SERINC2: variants seen among roughly 807,000 people sequenced by gnomAD.
SERINC2 encodes serine incorporator 2, also known as tumor differentially expressed protein 2.
In SERINC2, 56 loss-of-function variants were observed where a neutral mutation model predicts 54.2. That is an observed-to-expected ratio of 1.03 (90% CI 0.83 to 1.29). The LOEUF (loss-of-function observed/expected upper bound fraction) is 1.29, where lower values mean the gene tolerates loss of function less well. SERINC2 is among the 50% of genes most tolerant of loss of function. The pLI is 0.00. For missense variants in SERINC2, 614 were observed against 607.4 expected (o/e 1.01, Z -0.12); for synonymous variants, 272 against 253.1 (o/e 1.07, Z -0.71).
chr1:31,425,843 CTT>C lies in SERINC2; in HGVS notation c.542_543del (p.Phe181CysfsTer48). ...TCATCCAGCTGGTGCTGCTCATCGA[CTT>C]TGCGCACTCCTGGAACCAGCGGTGG... ...ILIQLVLLID[F>X]AHSWNQRWLG... On this transcript the variant is annotated frameshift_variant, in exon 5 of 10. Transcript: ENST00000373709. LOFTEE classifies it high-confidence loss of function. 2 of 1,613,754 alleles carry C rather than the reference CTT, an allele frequency of 1.2e-6. No homozygotes were observed. The highest frequency in any genetic ancestry group is 1.3e-5 in the African/African-American group (1 of 75,056).
At chr1:31,420,416 C>T (rs1640877733) in intron 1 of SERINC2, among the ~76,000 whole-genome samples, 1 of 152,172 alleles carries the variant, frequency 6.6e-6, no homozygotes, top group Non-Finnish European at 1.5e-5. Context: ...TCAGATGTCT[C>T]AAATTGAAAT....
rs369261952 is a variant in SERINC2, at chr1:31,433,379, TC to T, written c.1232+197del. ...CCAACAGTGCCTTCATCTGCTCAGCTCCCGCACCTTCACTAGGAGACTGAAC... is the reference window on the plus strand; with the variant it reads ...CCAACAGTGCCTTCATCTGCTCAGCTCCGCACCTTCACTAGGAGACTGAAC... On this transcript the variant is annotated intron_variant, in intron 9 of 9. Coordinates refer to ENST00000373709, the MANE Select transcript of SERINC2 (RefSeq NM_178865.5). 5.8e-4 allele frequency among the ~76,000 whole-genome samples: 89 copies of T among 152,180 alleles called. 1 individual carries two copies. In the East Asian group the frequency reaches 0.014, roughly 24 times the overall value.
At position 31,434,174 on chromosome 1, in the gene SERINC2, TC is replaced by T. The variant is rs1298260000; in HGVS notation, c.1345del (p.Leu449CysfsTer54). On this transcript the variant is annotated frameshift_variant, in exon 10 of 10. Transcript: ENST00000373709. LOFTEE classifies it high-confidence loss of function. ...CTGTGGACCCTGGTAGCCCCACTCC[TC>T]CTGCGCAACCGCGACTTCAGCTGAG... ...LYLWTLVAPL[L>X]LRNRDFS 9 of 1,613,506 alleles carry T rather than the reference TC, an allele frequency of 5.6e-6. No individual in the cohort carries two copies. The Admixed American group carries it at 1.5e-4, about 27-fold the overall frequency.
At chr1:31,432,273 G>T (rs1641321172) in intron 8 of SERINC2, among the ~76,000 whole-genome samples, 1 of 151,156 alleles carries the variant, frequency 6.6e-6, no homozygotes, top group South Asian at 2.1e-4. Context: ...TCAATTTGCT[G>T]GGGTGGCGGG....
chr1:31,431,803 G>A (rs1557499843), intron 8 of SERINC2, among the ~76,000 whole-genome samples: 21 of 142,238 alleles, frequency 1.5e-4, no homozygotes, highest in African/African-American at 5.6e-4. Context: ...GGATAGGGTG[G>A]ACAGGGTGGA....
At chr1:31,429,154 G>T in intron 7 of SERINC2, 86 bp downstream of exon 7, 1 of 1,244,832 alleles carries the variant, frequency 8.0e-7, no homozygotes, top group Non-Finnish European at 1.2e-6. Flanking sequence ...CCTCACAGGT[G>T]ACAGGGACAT....
upstream of SERINC2, chr1:31,410,164 G>A: frequency 7.0e-7 from 1 of 1,432,874 alleles, no homozygotes; most frequent in Non-Finnish European, 9.1e-7. Flanking sequence ...GAGTGGTTGG[G>A]TGACTTGCCA....
upstream of SERINC2, among the ~76,000 whole-genome samples, chr1:31,410,753 T>C (rs1640634216): frequency 6.6e-6 from 1 of 152,174 alleles, no homozygotes; most frequent in South Asian, 2.1e-4. Flanking sequence ...GCATGGGGCA[T>C]GGTCATCTGT....
intron 6 of SERINC2, among the ~76,000 whole-genome samples, chr1:31,427,168 AT>A (rs562672804): frequency 2.0e-5 from 3 of 151,916 alleles, no homozygotes; most frequent in Non-Finnish European, 4.4e-5. Context: ...TATTGTTGTC[AT>A]TTTTGTTTTT....
intron 2 of SERINC2, among the ~76,000 whole-genome samples, 168 bp downstream of exon 2, chr1:31,424,022 G>C (rs1301907332): frequency 1.3e-5 from 2 of 152,136 alleles, no homozygotes; most frequent in Non-Finnish European, 2.9e-5. Flanking sequence ...GAGCCTCTTG[G>C]GGGGATTCTT....
At chr1:31,410,395 T>A (rs1640628050), upstream of SERINC2, 3 of 1,548,174 alleles carry the variant, frequency 1.9e-6, no homozygotes, top group Admixed American at 5.9e-5. Flanking sequence ...ATGAGAAGCA[T>A]GAGGCTGAGA....
At chr1:31,425,940 T>G (rs1553133558) in intron 5 of SERINC2, 27 bp downstream of exon 5, 1 of 1,601,798 alleles carries the variant, frequency 6.2e-7, no homozygotes, top group Middle Eastern at 1.7e-4. Context: ...TGCCTCCGTG[T>G]GGGGACTCGA....
At chr1:31,425,959 A>G (rs1553133563) in intron 5 of SERINC2, 46 bp downstream of exon 5, 1 of 1,584,692 alleles carries the variant, frequency 6.3e-7, no homozygotes, top group Middle Eastern at 1.7e-4. Flanking sequence ...GAGCCTGGGC[A>G]GGGCTGGGGC....
chr1:31,424,167 A>G lies in SERINC2; in HGVS notation c.201+313A>G, dbSNP rs78708065. ...GGCTCCTAACTCTTCCCTTCATCTC[A>G]GTGTTTTACAGCCTAGCACAGACCC... On this transcript the variant is annotated intron_variant, in intron 2 of 9. Coordinates refer to ENST00000373709, the MANE Select transcript of SERINC2 (RefSeq NM_178865.5). Among the ~76,000 whole-genome samples the G allele has an allele frequency of 5.6e-3, 854 of 152,184 alleles. 63 individuals are homozygous for G. In the East Asian group the frequency reaches 0.14, roughly 25 times the overall value.
upstream of SERINC2, chr1:31,410,322 A>C: frequency 6.5e-7 from 1 of 1,544,110 alleles, no homozygotes; most frequent in Non-Finnish European, 8.7e-7. Flanking sequence ...CCATGTCCTC[A>C]CTTCATCTCC....
chr1:31,410,736 A>T (rs1640633778), upstream of SERINC2, among the ~76,000 whole-genome samples: 1 of 152,196 alleles, frequency 6.6e-6, no homozygotes, highest in African/African-American at 2.4e-5. Flanking sequence ...GTGGCCCCCC[A>T]AGGATGGCAT....
rs782139488 is a variant in SERINC2, at chr1:31,423,695, G to T, written c.42G>T (p.Ala14=). 6.2e-7 allele frequency: 1 copy of T among 1,607,598 alleles called. No homozygotes were observed. Among genetic ancestry groups the T allele is most frequent in the Non-Finnish European group, 8.5e-7 (1 of 1,179,784 alleles). Residue 14 remains alanine (A), a splice_region_variant and synonymous_variant, in exon 2 of 10, where the codon GCG becomes GCT. Coordinates refer to ENST00000373709, the MANE Select transcript of SERINC2 (RefSeq NM_178865.5). ...AGAGTGACAGTGCCCTCCCGCAGGC[G>T]TCCTGCCTCTGCGGCTCTGCCCCCT... ...CLGACSLLSC[A]SCLCGSAPCI...
chr1:31,415,748 C>A, intron 1 of SERINC2: 1 of 382,256 alleles, frequency 2.6e-6, no homozygotes, highest in Non-Finnish European at 3.6e-6. Flanking sequence ...AGTTGCTGCA[C>A]AGGAGTGAAG....
rs1640700245 is a variant in SERINC2, at chr1:31,413,636, G to C, written c.39+332G>C. On this transcript the variant is annotated intron_variant, in intron 1 of 9. Coordinates refer to ENST00000373709, the MANE Select transcript of SERINC2 (RefSeq NM_178865.5). The surrounding 1 kb of genome is among the most constrained non-coding windows in gnomAD (Gnocchi z 5.0). ...AGCCCGGGGTCGGGGCAGCTCTGTG[G>C]GCCCTCGTCGCCCCACTTGGGGCGG... Among the ~76,000 whole-genome samples, 1 of 152,008 alleles carries C rather than the reference G, an allele frequency of 6.6e-6. No homozygotes were observed. Among genetic ancestry groups the C allele is most frequent in the South Asian group, 2.1e-4 (1 of 4,824 alleles).
Sources: allele counts gnomAD v4.1 joint callset (sites outside exome capture counted in the v4.1 genomes callset), GRCh38; gene constraint gnomAD v4.1.1; non-coding constraint Gnocchi (gnomAD v3.1); transcripts MANE v1.5; gene names NCBI Gene and HGNC (gene_info 2026-07-23, HGNC 2026-07-21).